Variants in VAV1 observed in about 807,000 individuals in gnomAD.
VAV1 encodes vav guanine nucleotide exchange factor 1, also known as proto-oncogene vav.
Under a neutral mutation model 128.1 loss-of-function variants are expected in VAV1, and 33 were observed. The ratio of observed to expected loss-of-function variants is 0.26; its 90% CI spans 0.20 to 0.34. The LOEUF is 0.34. VAV1 is among the 10% of genes least tolerant of loss of function. VAV1 has a pLI of 1.00. For missense variants in VAV1, 715 were observed against 1,093.7 expected, an observed-to-expected ratio of 0.65 and a Z score of 4.88; for synonymous variants, 394 against 409.8, an observed-to-expected ratio of 0.96 and a Z score of 0.47.
intron 1 of VAV1, among the ~76,000 whole-genome samples, chr19:6,817,565 C>T (rs1294543411): frequency 6.6e-6 from 1 of 152,126 alleles, no homozygotes; most frequent in Non-Finnish European, 1.5e-5. Flanking sequence ...TGGCCCTCCC[C>T]TCTTCAAACT....
Position 6,805,681 on chromosome 19 carries a change from T to C in VAV1, c.205-15021T>C, listed in dbSNP as rs568411854. ...GAATCAACCACATTACATTTATTGT[T>C]CACTTTATTTCTATTATTATTACAT... On this transcript the variant is annotated intron_variant, in intron 1 of 26. Transcript: ENST00000602142. 5.9e-5 allele frequency among the ~76,000 whole-genome samples: 9 copies of C among 152,022 alleles called. No homozygotes were observed. The East Asian group carries it at 1.7e-3, about 29-fold the overall frequency.
chr19:6,801,414 G>A (rs1971264966), intron 1 of VAV1, among the ~76,000 whole-genome samples: 1 of 152,188 alleles, frequency 6.6e-6, no homozygotes, highest in Non-Finnish European at 1.5e-5. Flanking sequence ...GAAAAGTGGA[G>A]TGTGTGCTGG....
At chr19:6,810,412 A>T (rs1027568424) in intron 1 of VAV1, among the ~76,000 whole-genome samples, 1 of 152,178 alleles carries the variant, frequency 6.6e-6, no homozygotes, top group African/African-American at 2.4e-5. Context: ...CTATGAAATT[A>T]CTCTAACTTG....
At chr19:6,798,659 T>TCCCCCCCC (rs113208165) in intron 1 of VAV1, among the ~76,000 whole-genome samples, 45 of 145,310 alleles carry the variant, frequency 3.1e-4, no homozygotes, top group Non-Finnish European at 3.6e-4. Flanking sequence ...TTTCTCCCCT[T>TCCCCCCCC]CCCCCCCCCA....
chr19:6,816,214 G>C, intron 1 of VAV1, among the ~76,000 whole-genome samples: 1 of 152,026 alleles, frequency 6.6e-6, no homozygotes, highest in South Asian at 2.1e-4. Flanking sequence ...TTGAGACATG[G>C]TTTCACCGTG....
At chr19:6,850,785 G>A (rs1014819377) in intron 24 of VAV1, 28 bp downstream of exon 24, 1 of 1,612,004 alleles carries the variant, frequency 6.2e-7, no homozygotes, top group African/African-American at 1.3e-5. Flanking sequence ...CTCAATCCCA[G>A]CTTTCCAGAA....
Position 6,777,239 on chromosome 19 carries a change from A to G in VAV1, c.204+4228A>G, listed in dbSNP as rs1300501276. 1.6e-3 allele frequency among the ~76,000 whole-genome samples: 1 copy of G among 634 alleles called. No homozygotes were observed. Among genetic ancestry groups the G allele is most frequent in the Non-Finnish European group, 4.2e-3 (1 of 236 alleles). The allele number at this position is 634 out of a possible 152,430, so 0.4% of individuals were successfully genotyped here. A position where few individuals can be genotyped will look rare whatever the true frequency, so the allele number is the denominator to read the frequency against. Reference sequence around the variant, plus strand: ...CATCCATTTATCTGTTTAACTATCCATCCATCCATCCATCCATCCATCCAT... The same window carrying G: ...CATCCATTTATCTGTTTAACTATCCGTCCATCCATCCATCCATCCATCCAT... On this transcript the variant is annotated intron_variant, in intron 1 of 26. Transcript: ENST00000602142. The surrounding 1 kb of genome is among the most constrained non-coding windows in gnomAD (Gnocchi z 4.4).
chr19:6,831,367 A>G (rs1972049946), intron 14 of VAV1, among the ~76,000 whole-genome samples: 1 of 151,972 alleles, frequency 6.6e-6, no homozygotes, highest in South Asian at 2.1e-4. Context: ...GCTGGAGTGC[A>G]GAGGCATGAT....
chr19:6,805,732 C>A (rs1419838379), intron 1 of VAV1, among the ~76,000 whole-genome samples: 3 of 150,446 alleles, frequency 2.0e-5, no homozygotes, highest in African/African-American at 7.4e-5. Context: ...AATAATTATA[C>A]AGCTCACACA....
chr19:6,821,765 T>C (rs753060124), intron 3 of VAV1, 26 bp from the exon 4 acceptor site: 6 of 1,611,170 alleles, frequency 3.7e-6, no homozygotes, highest in Admixed American at 1.7e-5. Flanking sequence ...CCCAGGCCCC[T>C]GGCTCACACC....
chr19:6,787,428 T>C (rs1970918494), intron 1 of VAV1, among the ~76,000 whole-genome samples: 1 of 152,202 alleles, frequency 6.6e-6, no homozygotes, highest in African/African-American at 2.4e-5. Context: ...TTCCCCGCCT[T>C]GGCCTCCAAA....
chr19:6,797,065 C>G (rs1971152416), intron 1 of VAV1, among the ~76,000 whole-genome samples: 1 of 151,934 alleles, frequency 6.6e-6, no homozygotes, highest in African/African-American at 2.4e-5. Context: ...AACCCTGTCT[C>G]CACTAAAAAT....
chr19:6,823,799 A>G (rs1971852415), intron 6 of VAV1, among the ~76,000 whole-genome samples: 1 of 152,158 alleles, frequency 6.6e-6, no homozygotes, highest in Non-Finnish European at 1.5e-5. Flanking sequence ...TTGAGATTTC[A>G]TTAATATACA....
chr19:6,781,282 G>A (rs1403156793), intron 1 of VAV1, among the ~76,000 whole-genome samples: 1 of 152,142 alleles, frequency 6.6e-6, no homozygotes, highest in Non-Finnish European at 1.5e-5. Context: ...TTGTGTTTTT[G>A]ATAGATATTG....
chr19:6,846,546 C>T (rs1599679477), intron 22 of VAV1, among the ~76,000 whole-genome samples: 1 of 150,282 alleles, frequency 6.7e-6, no homozygotes, highest in East Asian at 1.9e-4. Flanking sequence ...CAAGACAGAG[C>T]GAGGCACTGT....
At chr19:6,778,927 A>G (rs1970701858) in intron 1 of VAV1, among the ~76,000 whole-genome samples, 1 of 147,334 alleles carries the variant, frequency 6.8e-6, no homozygotes, top group Admixed American at 6.8e-5. Context: ...GCCAGGCTGG[A>G]GTGCAGTGGT....
chr19:6,827,105 A>G (rs950431271), intron 9 of VAV1: 1 of 231,978 alleles, frequency 4.3e-6, no homozygotes, highest in East Asian at 9.4e-5. Context: ...TTCAACCTGG[A>G]TCTGTCTGGT....
At chr19:6,807,783 G>A (rs1971427056) in intron 1 of VAV1, among the ~76,000 whole-genome samples, 1 of 151,788 alleles carries the variant, frequency 6.6e-6, no homozygotes. Flanking sequence ...ATGAGGTCAG[G>A]AGTTCGAGAC....
chr19:6,803,784 C>T (rs972041500), intron 1 of VAV1, among the ~76,000 whole-genome samples: 39 of 152,244 alleles, frequency 2.6e-4, no homozygotes, highest in African/African-American at 9.1e-4. Context: ...AGGCTGGCCT[C>T]AAACTCCTGA....
Sources: gnomAD v4.1 joint callset for allele counts (sites outside exome capture counted in the v4.1 genomes callset) on GRCh38, gnomAD v4.1.1 for gene constraint, Gnocchi (gnomAD v3.1) non-coding constraint, MANE v1.5 for transcripts, NCBI Gene and HGNC (gene_info 2026-07-23, HGNC 2026-07-21) for gene names.